ERBB2: variants seen among roughly 807,000 people sequenced by gnomAD.
The protein encoded by ERBB2 is erb-b2 receptor tyrosine kinase 2.
Under a neutral mutation model 149.0 loss-of-function variants are expected in ERBB2, and 61 were observed. That is an observed-to-expected ratio of 0.41 (90% CI 0.33 to 0.51). The LOEUF (loss-of-function observed/expected upper bound fraction) is 0.51. Among genes scored for constraint, ERBB2 ranks in the 20% least tolerant of loss-of-function variants. The pLI, the probability that ERBB2 is intolerant of heterozygous loss-of-function variation, is 0.25. For synonymous variants in ERBB2, 633 were observed against 678.8 expected (o/e 0.93, Z 1.05); for missense variants, 1,205 against 1,655.1 (o/e 0.73, Z 4.72).
chr17:39,715,835 A>G lies in ERBB2; in HGVS notation c.1409A>G (p.His470Arg), dbSNP rs201097345. ...GGCAGTGGACTGGCCCTCATCCACC[A>G]TAACACCCACCTCTGCTTCGTGCAC... ...ELGSGLALIH[H>R]NTHLCFVHTV... is the part of the protein sequence containing the mutation. The change falls in exon 12 of 27, where the codon CAT becomes CGT. Residue 470 changes from histidine to arginine, a missense_variant. Coordinates refer to ENST00000269571, the MANE Select transcript of ERBB2 (RefSeq NM_004448.4). 6.2e-6 allele frequency: 10 copies of G among 1,612,244 alleles called. No individual in the cohort carries two copies. The East Asian group carries it at 1.6e-4, about 25-fold the overall frequency.
upstream of ERBB2, among the ~76,000 whole-genome samples, chr17:39,691,934 C>CATATATATATATAT (rs57592884): frequency 4.1e-4 from 49 of 120,852 alleles, no homozygotes; most frequent in African/African-American, 8.6e-4. Flanking sequence ...TATACATATA[C>CATATATATATATAT]ATATATATAT....
chr17:39,705,861 G>A (rs532484779), intron 1 of ERBB2, among the ~76,000 whole-genome samples: 99 of 152,178 alleles, frequency 6.5e-4, no homozygotes, highest in Non-Finnish European at 8.8e-4. Flanking sequence ...AGCAGTGACC[G>A]GCAGGAATTC....
intron 2 of ERBB2, among the ~76,000 whole-genome samples, chr17:39,689,588 A>C (rs933012738): frequency 6.6e-6 from 1 of 152,140 alleles, no homozygotes; most frequent in African/African-American, 2.4e-5. Flanking sequence ...ATCCTGACAA[A>C]ATAGGGAGTC....
chr17:39,717,339 C>T lies in ERBB2; in HGVS notation c.1757C>T (p.Ala586Val), dbSNP rs2145706633. 2 of 1,612,110 alleles carry T rather than the reference C, an allele frequency of 1.2e-6. No homozygotes were observed. Among genetic ancestry groups the T allele is most frequent in the Non-Finnish European group, 1.7e-6 (2 of 1,179,802 alleles). ...CCCCAGGAGGCTGACCAGTGTGTGG[C>T]CTGTGCCCACTATAAGGACCCTCCC... ...CFGPEADQCVACAHYKDPPFC... is the reference protein window; with the variant it reads ...CFGPEADQCVVCAHYKDPPFC... Residue 586 changes from alanine (A) to valine (V), a missense_variant, in exon 15 of 27, where the codon GCC becomes GTC. Physicochemically the swap from Ala to Val is moderately conservative, Grantham distance 64. Transcript: ENST00000269571.
chr17:39,688,160 G>T, exon 1 of ERBB2: 1 of 713,464 alleles, frequency 1.4e-6, no homozygotes, highest in Non-Finnish European at 2.0e-6. Context: ...TTTTGTGGGC[G>T]CCTGCCCCGC....
intron 15 of ERBB2, among the ~76,000 whole-genome samples, chr17:39,718,031 C>T (rs997403320): frequency 9.9e-5 from 15 of 152,128 alleles, no homozygotes; most frequent in Non-Finnish European, 2.9e-5. Context: ...AGGCTGGTCT[C>T]GAACCCCTGA....
intron 9 of ERBB2, 56 bp from the exon 10 acceptor site, chr17:39,715,230 G>A (rs2059048221): frequency 4.8e-6 from 7 of 1,463,798 alleles, no homozygotes; most frequent in Non-Finnish European, 2.9e-6. Flanking sequence ...GGCCAGTGCT[G>A]GGAGTGATGT....
In ERBB2 at chr17:39,723,490, G is replaced by A. The variant is rs887916849; in HGVS notation, c.2085+33G>A. Reference sequence around the variant, plus strand: ...GGGGTGAAGTCCTCCCAGCCCGCGTGGGGTCTGCACCGGCCCCCGGCACTG... The same window carrying A: ...GGGGTGAAGTCCTCCCAGCCCGCGTAGGGTCTGCACCGGCCCCCGGCACTG... On this transcript the variant is annotated intron_variant, in intron 17 of 26. Transcript: ENST00000269571. This position sits in a 1 kb window ranked among gnomAD's most constrained non-coding sequence, Gnocchi z 6.2. The A allele has an allele frequency of 1.2e-6, 2 of 1,613,768 alleles. No individual in the cohort carries two copies. The highest frequency in any genetic ancestry group is 1.3e-5 in the African/African-American group (1 of 74,936).
Position 39,715,825 on chromosome 17 carries a change from C to T in ERBB2, c.1399C>T (p.Leu467Phe), listed in dbSNP as rs1328775165. ...GAGGGAACTGGGCAGTGGACTGGCCCTCATCCACCATAACACCCACCTCTG... is the reference window on the plus strand; with the variant it reads ...GAGGGAACTGGGCAGTGGACTGGCCTTCATCCACCATAACACCCACCTCTG... The part of the protein sequence containing the change: ...SLRELGSGLA[L>F]IHHNTHLCFV... Residue 467 changes from leucine (L) to phenylalanine (F), a missense_variant, in exon 12 of 27, where the codon CTC becomes TTC. Transcript: ENST00000269571. 11 of 1,611,642 alleles carry T rather than the reference C, an allele frequency of 6.8e-6. No individual in the cohort carries two copies. The highest frequency in any genetic ancestry group is 9.3e-6 in the Non-Finnish European group (11 of 1,180,014).
intron 1 of ERBB2, 102 bp downstream of exon 1, chr17:39,700,413 G>A: frequency 4.0e-6 from 4 of 991,996 alleles, no homozygotes; most frequent in South Asian, 7.7e-5. Flanking sequence ...GCCCGGACGA[G>A]CTCTCCTATC....
At chr17:39,691,472 A>C (rs1032737893), upstream of ERBB2, among the ~76,000 whole-genome samples, 1 of 150,514 alleles carries the variant, frequency 6.6e-6, no homozygotes, top group African/African-American at 2.5e-5. Flanking sequence ...TGAACCAGGG[A>C]GTTGGAGGTT....
rs1213614072 is a variant in ERBB2 at position 39,726,339 on chromosome 17, A to G, written c.2873-223A>G. On this transcript the variant is annotated intron_variant, in intron 23 of 26. Transcript: ENST00000269571. The surrounding 1 kb of genome is among the most constrained non-coding windows in gnomAD (Gnocchi z 5.1). ...CAGAGCGAAACCTCATCTCAAAAAA[A>G]TAAAAAAGCAAACAAAAAGAAAAAA... 5.3e-6 allele frequency: 3 copies of G among 561,942 alleles called. No homozygotes were observed. Among genetic ancestry groups the G allele is most frequent in the Non-Finnish European group, 9.5e-6 (3 of 314,642 alleles). The allele number at this position is 561,942 out of a possible 1,614,324, so 34.8% of individuals were successfully genotyped here. A position where few individuals can be genotyped will look rare whatever the true frequency, so the allele number is the denominator to read the frequency against.
upstream of ERBB2, among the ~76,000 whole-genome samples, chr17:39,691,437 C>T (rs9898472): frequency 1.3e-5 from 2 of 150,854 alleles, no homozygotes. Context: ...CCAGCTACTC[C>T]GGAAGCTGAG....
intron 9 of ERBB2, among the ~76,000 whole-genome samples, chr17:39,714,009 A>G (rs1354386648): frequency 6.7e-6 from 1 of 150,324 alleles, no homozygotes; most frequent in Non-Finnish European, 1.5e-5. Context: ...AGTGGGTTGA[A>G]ATCATGTCAC....
intron 1 of ERBB2, among the ~76,000 whole-genome samples, chr17:39,702,103 T>G (rs560926966): frequency 4.8e-4 from 73 of 152,254 alleles, no homozygotes; most frequent in Non-Finnish European, 9.4e-4. Flanking sequence ...AAAAAGTCAT[T>G]GCACAGCCTG....
chr17:39,700,095 GC>G lies in ERBB2; in HGVS notation c.-138del, dbSNP rs1330889927. On this transcript the variant is annotated 5_prime_UTR_variant, in exon 1 of 27. Transcript: ENST00000269571. ...CATTGGGACCGGAGAAACCAGGGGA[GC>G]CCCCCGGGCAGCCGCGCGCCCCTTC... The G allele has an allele frequency of 1.6e-6, 2 of 1,278,910 alleles. No homozygotes were observed. The highest frequency in any genetic ancestry group is 2.0e-6 in the Non-Finnish European group (2 of 1,016,228). 79.2% of individuals were successfully genotyped at this position (1,278,910 alleles called of 1,614,324 possible).
upstream of ERBB2, among the ~76,000 whole-genome samples, chr17:39,691,900 G>A (rs71383379): frequency 9.0e-6 from 1 of 110,782 alleles, no homozygotes. Flanking sequence ...TATAGATATA[G>A]ATATATATAC....
Position 39,715,862 on chromosome 17 carries a change from C to T in ERBB2, c.1436C>T (p.Thr479Met), listed in dbSNP as rs201021373. The T allele has an allele frequency of 4.4e-5, 71 of 1,612,728 alleles. No homozygotes were observed. The highest frequency in any genetic ancestry group is 5.2e-5 in the Non-Finnish European group (61 of 1,180,022). Residue 479 changes from threonine (T) to methionine (M), a missense_variant, in exon 12 of 27, where the codon ACG (threonine) becomes ATG (methionine). Coordinates refer to ENST00000269571, the MANE Select transcript of ERBB2 (RefSeq NM_004448.4). ...AACACCCACCTCTGCTTCGTGCACA[C>T]GGTGCCCTGGGACCAGCTCTTTCGG... ...HHNTHLCFVH[T>M]VPWDQLFRNP...
rs750324803 is a variant in ERBB2 at position 39,710,367 on chromosome 17, A to T, written c.787A>T (p.Ile263Phe). The change falls in exon 7 of 27, where the codon ATC becomes TTC. Residue 263 changes from isoleucine (I) to phenylalanine (F), a missense_variant. This residue lies in a region of ERBB2 where 569 missense variants were observed against 803.5 expected (regional missense o/e 0.71). Coordinates refer to ENST00000269571, the MANE Select transcript of ERBB2 (RefSeq NM_004448.4). ...LACLHFNHSG[I>F]CELHCPALVT... is the part of the protein sequence containing the mutation. ...CTGCCTCCACTTCAACCACAGTGGCATCTGTGAGCTGCACTGCCCAGCCCT... is the reference window on the plus strand; with the variant it reads ...CTGCCTCCACTTCAACCACAGTGGCTTCTGTGAGCTGCACTGCCCAGCCCT... 1 of 1,614,176 alleles carries T rather than the reference A, an allele frequency of 6.2e-7. No individual in the cohort carries two copies. The highest frequency in any genetic ancestry group is 8.5e-7 in the Non-Finnish European group (1 of 1,180,034).
Sources: gnomAD v4.1 joint callset for allele counts (sites outside exome capture counted in the v4.1 genomes callset) on GRCh38, gnomAD v4.1.1 for gene constraint, gnomAD v4.1.1 regional missense constraint, Gnocchi (gnomAD v3.1) non-coding constraint, MANE v1.5 for transcripts, NCBI Gene and HGNC (gene_info 2026-07-23, HGNC 2026-07-21) for gene names.